GALNT18: variants seen among roughly 807,000 people sequenced by gnomAD.
GALNT18 encodes the protein polypeptide N-acetylgalactosaminyltransferase 18, also known as GalNAc-transferase 18.
In GALNT18, 44 loss-of-function variants were observed where a neutral mutation model predicts 69.5. The ratio of observed to expected loss-of-function variants is 0.63; its 90% CI spans 0.50 to 0.81. The LOEUF (loss-of-function observed/expected upper bound fraction) is 0.81. Ranked by LOEUF, GALNT18 falls within the 40% of genes least tolerant of loss-of-function variation. GALNT18 has a pLI of 0.00. For synonymous variants in GALNT18, 364 were observed against 318.2 expected (o/e 1.14, Z -1.53); for missense variants, 715 against 810.0 (o/e 0.88, Z 1.42).
At chr11:11,548,876 T>C (rs568427253) in intron 1 of GALNT18, among the ~76,000 whole-genome samples, 32 of 152,176 alleles carry the variant, frequency 2.1e-4, no homozygotes, top group South Asian at 1.9e-3. Context: ...TGGTGAACAA[T>C]AGATGCTTCA....
intron 1 of GALNT18, among the ~76,000 whole-genome samples, chr11:11,498,052 A>T (rs1165211199): frequency 6.6e-6 from 1 of 152,226 alleles, no homozygotes; most frequent in Non-Finnish European, 1.5e-5. Flanking sequence ...GTCTTAAAAA[A>T]TGGAGAAGGA....
At chr11:11,446,627 A>G (rs1206544660) in intron 2 of GALNT18, among the ~76,000 whole-genome samples, 1 of 152,058 alleles carries the variant, frequency 6.6e-6, no homozygotes, top group African/African-American at 2.4e-5. Context: ...ATCCAACCCC[A>G]TCTCAGCACC....
chr11:11,395,756 G>T (rs576327631), intron 3 of GALNT18, among the ~76,000 whole-genome samples: 4 of 152,344 alleles, frequency 2.6e-5, no homozygotes, highest in Middle Eastern at 3.4e-3. Context: ...ACAAGCAGCA[G>T]AGCCGAAATG....
intron 2 of GALNT18, among the ~76,000 whole-genome samples, chr11:11,443,176 C>T (rs147482734): frequency 9.2e-5 from 14 of 152,258 alleles, no homozygotes; most frequent in African/African-American, 2.4e-4. Context: ...CTGCCTGGCC[C>T]GGCTGGGGTG....
chr11:11,360,211 TC>T (rs1850614776), intron 6 of GALNT18, among the ~76,000 whole-genome samples: 1 of 152,178 alleles, frequency 6.6e-6, no homozygotes, highest in South Asian at 2.1e-4. Context: ...ACAGGTCAAA[TC>T]CCCATCTTCA....
intron 6 of GALNT18, among the ~76,000 whole-genome samples, chr11:11,357,087 T>A (rs1850545376): frequency 6.6e-6 from 1 of 152,090 alleles, no homozygotes; most frequent in African/African-American, 2.4e-5. Flanking sequence ...GACTGGCTGC[T>A]TGGGGTACCG....
intron 1 of GALNT18, among the ~76,000 whole-genome samples, chr11:11,486,362 G>A (rs924692412): frequency 6.6e-6 from 1 of 152,206 alleles, no homozygotes; most frequent in Non-Finnish European, 1.5e-5. Context: ...TTGGGTTTCT[G>A]TGAAATGAAG....
chr11:11,425,106 TA>T (rs1225233241), intron 3 of GALNT18, among the ~76,000 whole-genome samples: 4 of 152,338 alleles, frequency 2.6e-5, no homozygotes, highest in Non-Finnish European at 5.9e-5. Flanking sequence ...CAGCTAGGAT[TA>T]ATTGGCTGAC....
At chr11:11,577,044 G>GACTGTCACCTCGAT (rs1565022729) in intron 1 of GALNT18, among the ~76,000 whole-genome samples, 1 of 151,770 alleles carries the variant, frequency 6.6e-6, no homozygotes, top group East Asian at 1.9e-4. Context: ...CCTCGATGCA[G>GACTGTCACCTCGAT]GCTCACGTAT....
chr11:11,534,248 C>T (rs1025059295), intron 1 of GALNT18, among the ~76,000 whole-genome samples: 3 of 152,186 alleles, frequency 2.0e-5, no homozygotes, highest in Non-Finnish European at 4.4e-5. Context: ...CTATCGCCAA[C>T]CTGATGGCCC....
Position 11,523,733 on chromosome 11 carries a change from A to G in GALNT18, c.236-74797T>C, listed in dbSNP as rs1428174686. The stretch of plus-strand genomic sequence containing the variant: ...GACTCCATCTCAAAAAAAAAAAAAA[A>G]TATCGTACACCCTGCCTCCCTGGGA... On this transcript the variant is annotated intron_variant, in intron 1 of 10. Transcript: ENST00000227756. This position sits in a 1 kb window ranked among gnomAD's most constrained non-coding sequence, Gnocchi z 4.3. 1.3e-5 allele frequency among the ~76,000 whole-genome samples: 2 copies of G among 149,872 alleles called. No individual in the cohort carries two copies. The highest frequency in any genetic ancestry group is 3.0e-5 in the Non-Finnish European group (2 of 67,182).
chr11:11,449,405 C>T (rs1301089877), intron 1 of GALNT18, among the ~76,000 whole-genome samples: 1 of 152,250 alleles, frequency 6.6e-6, no homozygotes, highest in East Asian at 1.9e-4. Context: ...GCCCTTCTCC[C>T]TCTTCACTGT....
chr11:11,273,810 T>A (rs1848877760), intron 10 of GALNT18, among the ~76,000 whole-genome samples: 1 of 152,058 alleles, frequency 6.6e-6, no homozygotes, highest in Non-Finnish European at 1.5e-5. Flanking sequence ...CATCAATAGG[T>A]TAATGAATAA....
chr11:11,354,252 G>A (rs543980476), intron 6 of GALNT18, among the ~76,000 whole-genome samples: 2 of 152,296 alleles, frequency 1.3e-5, no homozygotes, highest in East Asian at 3.9e-4. Flanking sequence ...CTGCAATAGA[G>A]TAGAACTGAA....
rs72863066 is a variant in GALNT18 at position 11,469,350 on chromosome 11, C to T, written c.236-20414G>A. Reference sequence around the variant, plus strand: ...AGCCTGCCCCTCATTATAAGCACTTCCAAGCTTCACAGCAATAGACAGTCC... The same window carrying T: ...AGCCTGCCCCTCATTATAAGCACTTTCAAGCTTCACAGCAATAGACAGTCC... On this transcript the variant is annotated intron_variant, in intron 1 of 10. Coordinates refer to ENST00000227756, the MANE Select transcript of GALNT18 (RefSeq NM_198516.3). This position sits in a 1 kb window ranked among gnomAD's most constrained non-coding sequence, Gnocchi z 4.2. 0.057 allele frequency among the ~76,000 whole-genome samples: 8,623 copies of T among 152,244 alleles called. 337 individuals are homozygous for T. The highest frequency in any genetic ancestry group is 0.099 in the Middle Eastern group (29 of 294).
At chr11:11,438,917 T>C (rs1288653140) in intron 2 of GALNT18, among the ~76,000 whole-genome samples, 6 of 152,176 alleles carry the variant, frequency 3.9e-5, no homozygotes, top group Non-Finnish European at 8.8e-5. Context: ...CGGTGACTCC[T>C]TGCACCGAGG....
At position 11,318,819 on chromosome 11, in the gene GALNT18, T is replaced by C. The variant is rs932661837; in HGVS notation, c.1512+8267A>G. ...GTCCTTTTAATATTATCCTGGGACA[T>C]TAACGGGCCCATCCAAGAGTATGTA... On this transcript the variant is annotated intron_variant, in intron 9 of 10. Coordinates refer to ENST00000227756, the MANE Select transcript of GALNT18 (RefSeq NM_198516.3). The surrounding 1 kb of genome is among the most constrained non-coding windows in gnomAD (Gnocchi z 5.1). 6.6e-6 allele frequency among the ~76,000 whole-genome samples: 1 copy of C among 152,184 alleles called. No homozygotes were observed. The highest frequency in any genetic ancestry group is 1.5e-5 in the Non-Finnish European group (1 of 68,022).
intron 1 of GALNT18, among the ~76,000 whole-genome samples, chr11:11,453,353 C>T (rs1488379581): frequency 6.6e-6 from 1 of 152,194 alleles, no homozygotes; most frequent in Non-Finnish European, 1.5e-5. Context: ...TGGTTTTCTC[C>T]TCTCCAGCCA....
In GALNT18 at chr11:11,414,439, C is replaced by G. The variant is rs1248986680; in HGVS notation, c.595+18182G>C. On this transcript the variant is annotated intron_variant, in intron 3 of 10. Coordinates refer to ENST00000227756, the MANE Select transcript of GALNT18 (RefSeq NM_198516.3). ...ACTGGACTTCTTGTGGCTCTGAGAC[C>G]ATGTTACCTCCTGCCTCAGGGCCTT... Among the ~76,000 whole-genome samples the G allele has an allele frequency of 2.0e-5, 3 of 152,246 alleles. No homozygotes were observed. In the East Asian group the frequency reaches 5.8e-4, roughly 29 times the overall value.
Sources: allele counts gnomAD v4.1 joint callset (sites outside exome capture counted in the v4.1 genomes callset), GRCh38; gene constraint gnomAD v4.1.1; non-coding constraint Gnocchi (gnomAD v3.1); transcripts MANE v1.5; gene names NCBI Gene and HGNC (gene_info 2026-07-23, HGNC 2026-07-21).